Variants in COL11A1 observed in about 807,000 individuals in gnomAD.
COL11A1 encodes collagen alpha-1(XI) chain.
Under a neutral mutation model 265.2 loss-of-function variants are expected in COL11A1, and 74 were observed. That is an observed-to-expected ratio of 0.28 (90% confidence interval 0.23 to 0.34). The LOEUF (loss-of-function observed/expected upper bound fraction) is 0.34, where lower values mean the gene tolerates loss of function less well. Among genes scored for constraint, COL11A1 ranks in the 10% least tolerant of loss-of-function variants. The probability of loss-of-function intolerance (pLI) is 1.00; values close to 1 mark genes in which losing one functional copy is unlikely to be tolerated. For synonymous variants in COL11A1, 816 were observed against 727.6 expected, an observed-to-expected ratio of 1.12 and a Z score of -1.96; for missense variants, 2,165 against 2,263.6, an observed-to-expected ratio of 0.96 and a Z score of 0.88.
intron 4 of COL11A1, among the ~76,000 whole-genome samples, chr1:103,041,489 G>GTCTT (rs916238917): frequency 2.0e-5 from 3 of 151,470 alleles, no homozygotes; most frequent in African/African-American, 7.3e-5. Context: ...TTTATATAAA[G>GTCTT]TGGTACTATC....
At chr1:103,008,204 G>A (rs894193986) in intron 15 of COL11A1, among the ~76,000 whole-genome samples, 2 of 152,014 alleles carry the variant, frequency 1.3e-5, no homozygotes, top group Non-Finnish European at 2.9e-5. Flanking sequence ...ATTTTTACAC[G>A]ATTCCCAGTT....
In COL11A1 at chr1:102,989,557, A is replaced by G. The variant is rs1447037523; in HGVS notation, c.2355T>C (p.Phe785=). ...GACCCATGTCACCTTTGAATCCTGG[A>G]AAACCATCTTCACCCTAAAACATTA... The part of the protein sequence containing the change: ...GSKGEKGEDG[F]PGFKGDMGLK... Residue 785 remains phenylalanine, a synonymous_variant, in exon 29 of 67, where the codon TTT becomes TTC. Coordinates refer to ENST00000370096, the MANE Select transcript of COL11A1 (RefSeq NM_001854.4). 1.2e-6 allele frequency: 2 copies of G among 1,611,084 alleles called. No individual in the cohort carries two copies. Among genetic ancestry groups the G allele is most frequent in the Admixed American group, 3.3e-5 (2 of 59,916 alleles).
At chr1:103,084,124 T>G (rs1234909345) in intron 1 of COL11A1, among the ~76,000 whole-genome samples, 2 of 152,148 alleles carry the variant, frequency 1.3e-5, no homozygotes, top group Non-Finnish European at 2.9e-5. Context: ...CATTTTAGAT[T>G]TTTTAAGTGT....
In COL11A1 at chr1:103,053,252, G is replaced by A. The variant is rs192737009; in HGVS notation, c.651+21366C>T. Among the ~76,000 whole-genome samples, 14 of 152,206 alleles carry A rather than the reference G, an allele frequency of 9.2e-5. No homozygotes were observed. In the South Asian group the frequency reaches 1.0e-3, roughly 11 times the overall value. ...AGAAATCTAAATTTGCCTTAAATGCGTCATTGAGCTTCTTGAAACAGTTTT... is the reference window on the plus strand; with the variant it reads ...AGAAATCTAAATTTGCCTTAAATGCATCATTGAGCTTCTTGAAACAGTTTT... On this transcript the variant is annotated intron_variant, in intron 4 of 66. Transcript: ENST00000370096.
At chr1:102,944,130 G>A (rs1208481516) in intron 42 of COL11A1, among the ~76,000 whole-genome samples, 1 of 152,090 alleles carries the variant, frequency 6.6e-6, no homozygotes, top group Non-Finnish European at 1.5e-5. Flanking sequence ...GTCACATCTT[G>A]CCTTTCTTTT....
At chr1:102,964,549 T>C (rs1661215389) in intron 38 of COL11A1, among the ~76,000 whole-genome samples, 1 of 151,912 alleles carries the variant, frequency 6.6e-6, no homozygotes, top group Admixed American at 6.6e-5. Flanking sequence ...GTTATACATA[T>C]TCCTAAAAAC....
chr1:103,025,836 A>G, intron 6 of COL11A1: 1 of 1,613,446 alleles, frequency 6.2e-7, no homozygotes, highest in East Asian at 2.2e-5. Context: ...ATGCTTGATA[A>G]CTTTTCTTCT....
At chr1:103,075,823 T>C (rs187147183) in intron 3 of COL11A1, among the ~76,000 whole-genome samples, 258 of 152,278 alleles carry the variant, frequency 1.7e-3, no homozygotes, top group Non-Finnish European at 2.6e-3. Flanking sequence ...GGTGACCAAG[T>C]GTATTTCCAT....
At chr1:102,962,440 C>T (rs771001434) in intron 39 of COL11A1, among the ~76,000 whole-genome samples, 175 bp from the exon 40 acceptor site, 9 of 152,256 alleles carry the variant, frequency 5.9e-5, no homozygotes, top group East Asian at 1.9e-4. Flanking sequence ...CTACATTTAA[C>T]GTTACATATA....
At chr1:103,008,569 T>C in intron 14 of COL11A1, 53 bp from the exon 15 acceptor site, 1 of 1,403,702 alleles carries the variant, frequency 7.1e-7, no homozygotes, top group South Asian at 1.2e-5. Context: ...TCCTAACTAC[T>C]TTTATCCTGC....
At chr1:102,932,884 C>T (rs1213735419) in intron 46 of COL11A1, among the ~76,000 whole-genome samples, 5 of 151,364 alleles carry the variant, frequency 3.3e-5, no homozygotes, top group Admixed American at 6.6e-5. Context: ...TTGATCGCAT[C>T]GGCTCCTGAG....
intron 30 of COL11A1, among the ~76,000 whole-genome samples, chr1:102,985,904 G>A (rs1469291992): frequency 2.6e-5 from 4 of 151,996 alleles, no homozygotes; most frequent in South Asian, 2.1e-4. Context: ...CTATAACATT[G>A]CTCATTAATT....
At chr1:102,942,027 A>G in intron 42 of COL11A1, among the ~76,000 whole-genome samples, 1 of 152,178 alleles carries the variant, frequency 6.6e-6, no homozygotes, top group Non-Finnish European at 1.5e-5. Context: ...CCTGGGTTTC[A>G]TATGTTCTTG....
chr1:102,883,200 C>T lies in COL11A1; in HGVS notation c.4970G>A (p.Gly1657Glu). 1 of 1,599,852 alleles carries T rather than the reference C, an allele frequency of 6.3e-7. No homozygotes were observed. Among genetic ancestry groups the T allele is most frequent in the Non-Finnish European group, 8.6e-7 (1 of 1,167,218 alleles). Residue 1657 changes from glycine to glutamate, a missense_variant and splice_region_variant, in exon 64 of 67, where the codon GGA becomes GAA. Coordinates refer to ENST00000370096, the MANE Select transcript of COL11A1 (RefSeq NM_001854.4). ...TCIYPDKKSEGVRISSWPKEK... is the reference protein window; with the variant it reads ...TCIYPDKKSEEVRISSWPKEK... Reference sequence around the variant, plus strand: ...CCACCAAAACAGATTGGTACTTACTCCCTCAGATTTTTTGTCTGGATAAAT... The same window carrying T: ...CCACCAAAACAGATTGGTACTTACTTCCTCAGATTTTTTGTCTGGATAAAT...
chr1:102,920,849 G>A (rs946037532), intron 48 of COL11A1, among the ~76,000 whole-genome samples: 2 of 152,090 alleles, frequency 1.3e-5, no homozygotes, highest in Admixed American at 6.5e-5. Context: ...TGGCCTGCCA[G>A]AATTAAAGCA....
chr1:103,064,681 C>T (rs1258593723), intron 4 of COL11A1, among the ~76,000 whole-genome samples: 4 of 125,932 alleles, frequency 3.2e-5, no homozygotes, highest in Non-Finnish European at 6.5e-5. Flanking sequence ...CAGAGCCAGA[C>T]TCCATCTCAA....
intron 1 of COL11A1, among the ~76,000 whole-genome samples, chr1:103,089,584 C>G (rs1673152318): frequency 1.3e-5 from 2 of 152,160 alleles, no homozygotes; most frequent in African/African-American, 4.8e-5. Context: ...AACCCTCTGA[C>G]AGTGAACATC....
intron 20 of COL11A1, among the ~76,000 whole-genome samples, chr1:103,003,758 G>A (rs74512803): frequency 0.054 from 8,237 of 151,988 alleles, 314 homozygotes; most frequent in Non-Finnish European, 0.078. Context: ...ACCATTTTTC[G>A]AGGTTTCTTA....
At chr1:103,082,336 C>T (rs1292479434) in intron 2 of COL11A1, among the ~76,000 whole-genome samples, 1 of 151,878 alleles carries the variant, frequency 6.6e-6, no homozygotes, top group Non-Finnish European at 1.5e-5. Flanking sequence ...GAAACATTTA[C>T]CTTAATGTTA....
Sources: allele counts gnomAD v4.1 joint callset (sites outside exome capture counted in the v4.1 genomes callset), GRCh38; gene constraint gnomAD v4.1.1; transcripts MANE v1.5; gene names NCBI Gene and HGNC (gene_info 2026-07-23, HGNC 2026-07-21).